The following DNAI7 variants were observed in gnomAD, a reference collection of about 807,000 sequenced individuals.
DNAI7 encodes the protein dynein axonemal intermediate chain 7.
Under a neutral mutation model 86.6 loss-of-function variants are expected in DNAI7, and 78 were observed. The observed-to-expected ratio is 0.90, with a 90% CI of 0.75 to 1.09. DNAI7 has a LOEUF of 1.09. Among genes scored for constraint, DNAI7 ranks in the 50% least tolerant of loss-of-function variants. The pLI is 0.00. For synonymous variants in DNAI7, 274 were observed against 273.0 expected, an observed-to-expected ratio of 1.00 and a Z score of -0.04; for missense variants, 753 against 810.2, an observed-to-expected ratio of 0.93 and a Z score of 0.86.
At position 25,158,501 on chromosome 12, in the gene DNAI7, T is replaced by C; in HGVS notation, c.169A>G (p.Lys57Glu). 6.2e-7 allele frequency: 1 copy of C among 1,613,220 alleles called. No homozygotes were observed. Among genetic ancestry groups the C allele is most frequent in the South Asian group, 1.1e-5 (1 of 90,950 alleles). Residue 57 changes from lysine to glutamate, a missense_variant, in exon 4 of 16, where the codon AAA (lysine) becomes GAA (glutamate). Coordinates refer to ENST00000395987, the MANE Select transcript of DNAI7 (RefSeq NM_018272.5). ...MERLEIQRIE[K>E]EKWHRLEAKD... The stretch of plus-strand genomic sequence containing the variant: ...GCTTCAAGTCGATGCCATTTTTCTT[T>C]CTCAATTCGCTGTATTTCAAGCCTT...
chr12:25,123,327 C>T (rs779239856), intron 9 of DNAI7, 41 bp from the exon 10 acceptor site: 138 of 1,322,594 alleles, frequency 1.0e-4, no homozygotes, highest in Non-Finnish European at 1.4e-4. Context: ...TTGTCAGTGT[C>T]TACATAGTAC....
chr12:25,170,296 C>G (rs577327869), intron 2 of DNAI7, among the ~76,000 whole-genome samples: 13 of 151,502 alleles, frequency 8.6e-5, no homozygotes, highest in African/African-American at 3.2e-4. Flanking sequence ...GAGGCTGAGA[C>G]AGGAGAATCA....
intron 2 of DNAI7, among the ~76,000 whole-genome samples, chr12:25,190,336 G>A (rs1000781446): frequency 2.6e-5 from 4 of 152,038 alleles, no homozygotes; most frequent in Admixed American, 2.6e-4. Flanking sequence ...ATTTTCTAGA[G>A]CAGAATTAAC....
chr12:25,148,036 G>C (rs1592420959), intron 7 of DNAI7, among the ~76,000 whole-genome samples: 2 of 152,278 alleles, frequency 1.3e-5, no homozygotes, highest in Admixed American at 1.3e-4. Context: ...ATATGTGGTT[G>C]CTAGAATGTA....
intron 12 of DNAI7, among the ~76,000 whole-genome samples, chr12:25,117,140 C>A (rs1482269794): frequency 1.3e-5 from 2 of 151,372 alleles, no homozygotes; most frequent in Non-Finnish European, 2.9e-5. Context: ...CTCCATGTTG[C>A]CCAGGCTGGT....
At chr12:25,123,908 C>A (rs942017535) in intron 9 of DNAI7, among the ~76,000 whole-genome samples, 1 of 151,768 alleles carries the variant, frequency 6.6e-6, no homozygotes, top group Non-Finnish European at 1.5e-5. Flanking sequence ...GCAAACAATC[C>A]GAAGAAATAA....
intron 12 of DNAI7, among the ~76,000 whole-genome samples, chr12:25,115,945 CGT>C (rs1331507968): frequency 6.6e-6 from 1 of 152,186 alleles, no homozygotes; most frequent in African/African-American, 2.4e-5. Context: ...CCATCTGTGT[CGT>C]GCTCTATAGC....
rs1017225595 is a variant in DNAI7, at chr12:25,124,930, C to T, written c.1003-1644G>A. Among the ~76,000 whole-genome samples, 10 of 59,082 alleles carry T rather than the reference C, an allele frequency of 1.7e-4. No individual in the cohort carries two copies. In the South Asian group the frequency reaches 4.2e-3, roughly 25 times the overall value. 38.8% of individuals were successfully genotyped at this position (59,082 alleles called of 152,430 possible). A position where few individuals can be genotyped will look rare whatever the true frequency, so the allele number is the denominator to read the frequency against. On this transcript the variant is annotated intron_variant, in intron 9 of 15. Coordinates refer to ENST00000395987, the MANE Select transcript of DNAI7 (RefSeq NM_018272.5). Reference sequence around the variant, plus strand: ...GGATAATAGCCTTCAGCTCCACCCACGTTCCTGCAAAAGACACGATCTCAT... The same window carrying T: ...GGATAATAGCCTTCAGCTCCACCCATGTTCCTGCAAAAGACACGATCTCAT...
chr12:25,168,516 A>G (rs921696474), intron 2 of DNAI7, among the ~76,000 whole-genome samples: 1 of 152,188 alleles, frequency 6.6e-6, no homozygotes, highest in Non-Finnish European at 1.5e-5. Flanking sequence ...ACATCCCACA[A>G]ACTTTATCAG....
At chr12:25,129,656 A>G (rs893153714) in intron 9 of DNAI7, among the ~76,000 whole-genome samples, 4 of 152,142 alleles carry the variant, frequency 2.6e-5, no homozygotes, top group African/African-American at 9.7e-5. Flanking sequence ...TTTCCTTCCT[A>G]TCTAAACTTC....
At chr12:25,146,598 T>TTAAAAA (rs1565721669) in intron 8 of DNAI7, among the ~76,000 whole-genome samples, 1 of 38,372 alleles carries the variant, frequency 2.6e-5, no homozygotes, top group Non-Finnish European at 1.1e-4. Flanking sequence ...AGACTGTGTC[T>TTAAAAA]CAAAAAAAAA....
At chr12:25,183,734 TAAG>T (rs1445553527) in intron 2 of DNAI7, among the ~76,000 whole-genome samples, 1 of 152,144 alleles carries the variant, frequency 6.6e-6, no homozygotes. Context: ...TGGCTGTTTG[TAAG>T]AAGATTACTG....
intron 4 of DNAI7, among the ~76,000 whole-genome samples, chr12:25,157,623 A>G (rs541207586): frequency 8.5e-5 from 13 of 152,274 alleles, no homozygotes; most frequent in East Asian, 1.9e-4. Context: ...CTGTTAATGT[A>G]AGCAGTTTAA....
chr12:25,163,157 A>G (rs954658576), intron 2 of DNAI7, among the ~76,000 whole-genome samples: 1 of 152,216 alleles, frequency 6.6e-6, no homozygotes, highest in Middle Eastern at 3.2e-3. Flanking sequence ...AAACCAAAGT[A>G]TACAGGCAAC....
At chr12:25,150,645 T>C (rs879289379) in intron 6 of DNAI7, among the ~76,000 whole-genome samples, 2 of 150,664 alleles carry the variant, frequency 1.3e-5, no homozygotes, top group Admixed American at 6.6e-5. Flanking sequence ...GAACATCATA[T>C]GGCTTCTGAT....
chr12:25,146,611 A>G (rs1055611804), intron 8 of DNAI7, among the ~76,000 whole-genome samples: 2 of 151,740 alleles, frequency 1.3e-5, no homozygotes, highest in Non-Finnish European at 2.9e-5. Flanking sequence ...AAAAAAAAAG[A>G]AAAAGAAAGC....
At chr12:25,191,138 T>TC (rs1950475159) in intron 1 of DNAI7, among the ~76,000 whole-genome samples, 1 of 152,198 alleles carries the variant, frequency 6.6e-6, no homozygotes, top group Non-Finnish European at 1.5e-5. Context: ...CAAAGTAGCC[T>TC]CACACGGTGG....
intron 13 of DNAI7, among the ~76,000 whole-genome samples, chr12:25,112,408 T>TTG (rs1939057930): frequency 7.1e-6 from 1 of 140,710 alleles, no homozygotes; most frequent in African/African-American, 2.7e-5. Context: ...GGTTTTTTTT[T>TTG]TTTTTTTTTT....
chr12:25,149,626 A>G lies in DNAI7; in HGVS notation c.585+2T>C. On this transcript the variant is annotated splice_donor_variant, in intron 7 of 15. Transcript: ENST00000395987. LOFTEE classifies it high-confidence loss of function. Reference sequence around the variant, plus strand: ...AATATATAAGCAAAATATCACACTTACTTTGAGAAGTATTTCTGTGGCTAC... The same window carrying G: ...AATATATAAGCAAAATATCACACTTGCTTTGAGAAGTATTTCTGTGGCTAC... 2 of 1,597,714 alleles carry G rather than the reference A, an allele frequency of 1.3e-6. No homozygotes were observed. The highest frequency in any genetic ancestry group is 1.7e-6 in the Non-Finnish European group (2 of 1,171,996).
Sources: allele counts gnomAD v4.1 joint callset (sites outside exome capture counted in the v4.1 genomes callset), GRCh38; gene constraint gnomAD v4.1.1; transcripts MANE v1.5; gene names NCBI Gene and HGNC (gene_info 2026-07-23, HGNC 2026-07-21).